The following EXOC6B variants were observed in gnomAD, a reference collection of about 807,000 sequenced individuals.
EXOC6B encodes SEC15 homolog B.
A neutral mutation model predicts 113.5 loss-of-function variants in EXOC6B; 54 were observed. The observed-to-expected ratio is 0.48, with a 90% confidence interval of 0.38 to 0.60. EXOC6B has a LOEUF of 0.60. EXOC6B is among the 20% of genes least tolerant of loss of function. EXOC6B has a pLI of 0.00. For synonymous variants in EXOC6B, 357 were observed against 339.0 expected (o/e 1.05, Z -0.58); for missense variants, 797 against 977.5 (o/e 0.82, Z 2.46).
intron 20 of EXOC6B, among the ~76,000 whole-genome samples, chr2:72,262,557 TG>T (rs1683795529): frequency 6.6e-6 from 1 of 152,078 alleles, no homozygotes; most frequent in African/African-American, 2.4e-5. Flanking sequence ...TGTGGTGGGG[TG>T]GGGAAGCCTT....
intron 8 of EXOC6B, among the ~76,000 whole-genome samples, chr2:72,516,082 C>T (rs1356247337): frequency 2.0e-5 from 3 of 152,100 alleles, no homozygotes; most frequent in Admixed American, 1.3e-4. Context: ...CCTTATCATG[C>T]CTTGAGTTTG....
chr2:72,666,956 G>C (rs528770647), intron 6 of EXOC6B, among the ~76,000 whole-genome samples: 1 of 151,886 alleles, frequency 6.6e-6, no homozygotes, highest in Non-Finnish European at 1.5e-5. Flanking sequence ...TCCACCTCCC[G>C]GGTTCAAGCG....
At chr2:72,502,339 G>A (rs2105602833) in intron 11 of EXOC6B, among the ~76,000 whole-genome samples, 1 of 152,264 alleles carries the variant, frequency 6.6e-6, no homozygotes, top group South Asian at 2.1e-4. Flanking sequence ...CCTGAGGTCA[G>A]AAACTCTGGG....
Position 72,334,980 on chromosome 2 carries a change from GTCC to G in EXOC6B, c.2160_2162del (p.Glu720del), listed in dbSNP as rs1301639039. ...AGTCGATGAAGGCCAACTGCAGCGT[GTCC>G]TCCTGGAACCCAGGCACCGGGCCGG... On this transcript the variant is annotated inframe_deletion, in exon 20 of 22. Coordinates refer to ENST00000272427, the MANE Select transcript of EXOC6B (RefSeq NM_015189.3). 6.2e-7 allele frequency: 1 copy of G among 1,613,310 alleles called. No homozygotes were observed. Among genetic ancestry groups the G allele is most frequent in the Non-Finnish European group, 8.5e-7 (1 of 1,179,522 alleles).
rs529578683 is a variant in EXOC6B at position 72,298,083 on chromosome 2, T to C, written c.2196+36864A>G. On this transcript the variant is annotated intron_variant, in intron 20 of 21. Coordinates refer to ENST00000272427, the MANE Select transcript of EXOC6B (RefSeq NM_015189.3). ...TCATTGATCTGTCTAATACTGACAG[T>C]GGGGTGTTAAAGTCTCCCACTATTA... Among the ~76,000 whole-genome samples, 33 of 152,298 alleles carry C rather than the reference T, an allele frequency of 2.2e-4. 1 individual carries two copies. In the South Asian group the frequency reaches 6.6e-3, roughly 31 times the overall value.
chr2:72,432,992 T>G (rs1294254174), intron 18 of EXOC6B, among the ~76,000 whole-genome samples: 1 of 152,234 alleles, frequency 6.6e-6, no homozygotes, highest in African/African-American at 2.4e-5. Flanking sequence ...CCCATGCCTA[T>G]GTGCTGAATG....
At chr2:72,370,876 G>A (rs183237793) in intron 19 of EXOC6B, among the ~76,000 whole-genome samples, 2 of 150,202 alleles carry the variant, frequency 1.3e-5, no homozygotes, top group Non-Finnish European at 3.0e-5. Flanking sequence ...GTGATGGGAG[G>A]GGGGAGGGAT....
chr2:72,747,948 G>A (rs1042289416), intron 1 of EXOC6B, among the ~76,000 whole-genome samples: 1 of 151,932 alleles, frequency 6.6e-6, no homozygotes, highest in African/African-American at 2.4e-5. Context: ...TCTCCTTGTG[G>A]GGAGAGACTA....
chr2:72,656,136 A>G (rs1306968236), intron 6 of EXOC6B, among the ~76,000 whole-genome samples: 1 of 152,150 alleles, frequency 6.6e-6, no homozygotes, highest in African/African-American at 2.4e-5. Context: ...CAGGGAAACT[A>G]AAATATCTGA....
chr2:72,480,393 A>G (rs138442598), intron 17 of EXOC6B, among the ~76,000 whole-genome samples: 71 of 152,330 alleles, frequency 4.7e-4, no homozygotes, highest in African/African-American at 1.6e-3. Flanking sequence ...TTAGAGACAC[A>G]GTTGTAGTTG....
intron 20 of EXOC6B, among the ~76,000 whole-genome samples, chr2:72,226,223 A>C (rs13425458): frequency 0.034 from 5,140 of 152,274 alleles, 272 homozygotes; most frequent in African/African-American, 0.12. Flanking sequence ...AAAACAGAAA[A>C]ATGGCATTAG....
intron 20 of EXOC6B, among the ~76,000 whole-genome samples, chr2:72,228,055 T>A (rs571515174): frequency 6.6e-5 from 10 of 152,216 alleles, no homozygotes; most frequent in African/African-American, 2.4e-4. Flanking sequence ...GAAAAGGCTG[T>A]TAAAGTAGAT....
intron 19 of EXOC6B, among the ~76,000 whole-genome samples, chr2:72,357,462 A>C (rs1283765384): frequency 2.0e-5 from 3 of 152,096 alleles, no homozygotes; most frequent in Non-Finnish European, 4.4e-5. Context: ...GAGGCAAGGC[A>C]GGTGGGTCAT....
intron 18 of EXOC6B, among the ~76,000 whole-genome samples, chr2:72,445,889 A>G (rs1696544551): frequency 6.6e-6 from 1 of 152,238 alleles, no homozygotes; most frequent in African/African-American, 2.4e-5. Flanking sequence ...CATATGTAAA[A>G]AAGTTCAATA....
In EXOC6B at chr2:72,767,497, T is replaced by C. The variant is rs1334142698; in HGVS notation, c.114-26028A>G. 3.3e-5 allele frequency among the ~76,000 whole-genome samples: 5 copies of C among 151,926 alleles called. No homozygotes were observed. In the East Asian group the frequency reaches 9.7e-4, roughly 29 times the overall value. ...AACTTTTGTGTATGTGTTATGTTTG[T>C]TGACATTAGCCACATTAACAATTGG... On this transcript the variant is annotated intron_variant, in intron 1 of 21. Transcript: ENST00000272427.
chr2:72,302,096 C>T (rs1686568778), intron 20 of EXOC6B, among the ~76,000 whole-genome samples: 1 of 152,166 alleles, frequency 6.6e-6, no homozygotes, highest in Non-Finnish European at 1.5e-5. Flanking sequence ...TCATTATTTA[C>T]CCAAAAGTCA....
intron 20 of EXOC6B, among the ~76,000 whole-genome samples, chr2:72,274,559 C>A (rs1391406041): frequency 3.9e-5 from 6 of 152,046 alleles, no homozygotes. Flanking sequence ...ACACAGGCTG[C>A]TATTAAGGGA....
chr2:72,367,759 T>A (rs773209165), intron 19 of EXOC6B, among the ~76,000 whole-genome samples: 2 of 152,124 alleles, frequency 1.3e-5, no homozygotes, highest in African/African-American at 4.8e-5. Flanking sequence ...TGGGGGACTT[T>A]ACATTGAACT....
Position 72,514,637 on chromosome 2 carries a change from A to C in EXOC6B, c.1043T>G (p.Val348Gly). The stretch of plus-strand genomic sequence containing the variant: ...ATATATATATATATATACCTACCCT[A>C]CAATTTGATTAAAATACTTCCTGTA... ...DGYRKYFNQIVGFFVVEDHIL... is the reference protein window; with the variant it reads ...DGYRKYFNQIGGFFVVEDHIL... The change falls in exon 10 of 22, where the codon GTA becomes GGA. Residue 348 changes from valine (V) to glycine (G), a missense_variant. Transcript: ENST00000272427. The C allele has an allele frequency of 9.7e-7, 1 of 1,029,740 alleles. No homozygotes were observed. The highest frequency in any genetic ancestry group is 1.4e-6 in the Non-Finnish European group (1 of 720,636). 63.8% of individuals were successfully genotyped at this position (1,029,740 alleles called of 1,614,324 possible). A position where few individuals can be genotyped will look rare whatever the true frequency, so the allele number is the denominator to read the frequency against.
Sources: gnomAD v4.1 joint callset for allele counts (sites outside exome capture counted in the v4.1 genomes callset) on GRCh38, gnomAD v4.1.1 for gene constraint, MANE v1.5 for transcripts, NCBI Gene and HGNC (gene_info 2026-07-23, HGNC 2026-07-21) for gene names.